The following RTN4IP1 variants were observed in gnomAD, a reference collection of about 807,000 sequenced individuals.
RTN4IP1 encodes reticulon 4 interacting protein 1, also known as NAD(P)H oxidoreductase RTN4IP1, mitochondrial.
Under a neutral mutation model 46.6 loss-of-function variants are expected in RTN4IP1, and 32 were observed. The ratio of observed to expected loss-of-function variants is 0.69; its 90% CI spans 0.52 to 0.92. RTN4IP1 has a LOEUF of 0.92. Ranked by LOEUF, RTN4IP1 falls within the 40% of genes least tolerant of loss-of-function variation. RTN4IP1 has a pLI of 0.00. For missense variants in RTN4IP1, 424 were observed against 485.8 expected (o/e 0.87, Z 1.20); for synonymous variants, 167 against 161.8 (o/e 1.03, Z -0.24).
chr6:106,603,529 T>C (rs78404270), intron 4 of RTN4IP1, among the ~76,000 whole-genome samples: 4,446 of 151,420 alleles, frequency 0.029, 85 homozygotes, highest in Non-Finnish European at 0.046. Flanking sequence ...GTGCTGAGCC[T>C]GGATCAGTCA....
At chr6:106,588,008 T>G in intron 6 of RTN4IP1, 146 bp from the exon 7 acceptor site, 1 of 638,448 alleles carries the variant, frequency 1.6e-6, no homozygotes, top group Non-Finnish European at 2.6e-6. Flanking sequence ...TGCAGAGGGG[T>G]GGCTGCTTTG....
rs377015433 is a variant in RTN4IP1 at position 106,592,255 on chromosome 6, C to G, written c.715G>C (p.Asp239His). 6.2e-7 allele frequency: 1 copy of G among 1,614,050 alleles called. No individual in the cohort carries two copies. The highest frequency in any genetic ancestry group is 8.5e-7 in the Non-Finnish European group (1 of 1,179,998). ...AGCTTCCTTACAAGTTCACTGGCAT[C>G]TTGGGAGCAAACTGCTGTCACATGA... ...DAHVTAVCSQ[D>H]ASELVRKLGA... Residue 239 changes from aspartate to histidine, a missense_variant, in exon 6 of 9, where the codon GAT becomes CAT. By Grantham distance (81) the Asp-to-His change is moderately conservative. Transcript: ENST00000369063.
At chr6:106,630,276 C>T (rs189002735), upstream of RTN4IP1, among the ~76,000 whole-genome samples, 1 of 152,186 alleles carries the variant, frequency 6.6e-6, no homozygotes, top group African/African-American at 2.4e-5. Context: ...ACATAAGCAC[C>T]CTCAAATTCA....
intron 5 of RTN4IP1, among the ~76,000 whole-genome samples, chr6:106,596,219 C>T (rs1267568514): frequency 6.6e-6 from 1 of 152,060 alleles, no homozygotes; most frequent in East Asian, 1.9e-4. Context: ...GAAGCCCTGC[C>T]TTGTTTCAGT....
chr6:106,623,710 T>G (rs1230119001), intron 1 of RTN4IP1, among the ~76,000 whole-genome samples: 1 of 152,258 alleles, frequency 6.6e-6, no homozygotes, highest in East Asian at 1.9e-4. Flanking sequence ...TCAGAACTTT[T>G]AGTATTATCT....
At chr6:106,628,247 C>A (rs1165167530) in intron 1 of RTN4IP1, among the ~76,000 whole-genome samples, 2 of 151,888 alleles carry the variant, frequency 1.3e-5, no homozygotes, top group Non-Finnish European at 2.9e-5. Context: ...CAGAGGATCG[C>A]CTGAGGTCAG....
upstream of RTN4IP1, chr6:106,629,632 C>A (rs72945092): frequency 0.014 from 22,060 of 1,577,312 alleles, 187 homozygotes; most frequent in Non-Finnish European, 0.016. Flanking sequence ...CCGGTGACCT[C>A]TTTTTCCCCC....
intron 4 of RTN4IP1, among the ~76,000 whole-genome samples, chr6:106,605,837 A>C: frequency 6.9e-6 from 1 of 145,934 alleles, no homozygotes; most frequent in East Asian, 2.0e-4. Flanking sequence ...AAAAAAAAAA[A>C]AAAAAAAGAA....
At chr6:106,573,612 T>C (rs1048802412) in intron 8 of RTN4IP1, among the ~76,000 whole-genome samples, 10 of 152,274 alleles carry the variant, frequency 6.6e-5, no homozygotes, top group Middle Eastern at 3.4e-3. Context: ...TTTTCTGGGG[T>C]AAATACTGTT....
At chr6:106,576,646 T>C (rs932359894) in intron 8 of RTN4IP1, among the ~76,000 whole-genome samples, 18 of 152,216 alleles carry the variant, frequency 1.2e-4, no homozygotes, top group African/African-American at 4.3e-4. Context: ...CAGAACTCAT[T>C]ACATTTTTCT....
At chr6:106,623,937 T>A (rs968574685) in intron 1 of RTN4IP1, among the ~76,000 whole-genome samples, 1 of 152,208 alleles carries the variant, frequency 6.6e-6, no homozygotes, top group Non-Finnish European at 1.5e-5. Context: ...GATCCCCACA[T>A]CCTTAAACAT....
At chr6:106,579,380 A>C (rs901755656) in intron 8 of RTN4IP1, among the ~76,000 whole-genome samples, 1 of 152,208 alleles carries the variant, frequency 6.6e-6, no homozygotes, top group African/African-American at 2.4e-5. Context: ...ATTCAAACTG[A>C]AATTGTGCCC....
intron 4 of RTN4IP1, among the ~76,000 whole-genome samples, chr6:106,609,223 T>G (rs1322288673): frequency 6.6e-6 from 1 of 152,228 alleles, no homozygotes; most frequent in Non-Finnish European, 1.5e-5. Flanking sequence ...CACAGTGCCC[T>G]GGATGTAGCA....
At position 106,574,838 on chromosome 6, in the gene RTN4IP1, C is replaced by A. The variant is rs74938235; in HGVS notation, c.1084-2735G>T. 1.4e-3 allele frequency among the ~76,000 whole-genome samples: 219 copies of A among 152,310 alleles called. 1 individual carries two copies. The highest frequency in any genetic ancestry group is 3.4e-3 in the Middle Eastern group (1 of 294). Reference sequence around the variant, plus strand: ...AGAGCTCTGACCGGGGACACAGATCCTGAACTGATGACACAGGCAGCTTAC... The same window carrying A: ...AGAGCTCTGACCGGGGACACAGATCATGAACTGATGACACAGGCAGCTTAC... On this transcript the variant is annotated intron_variant, in intron 8 of 8. Transcript: ENST00000369063.
In RTN4IP1 at chr6:106,629,259, T is replaced by G; in HGVS notation, c.-238A>C. ...AATTAACGTTCCAGTCAGTATTCTG[T>G]CCATTCTCCTCCCTCACTTTCACCC... On this transcript the variant is annotated 5_prime_UTR_variant, in exon 1 of 9. Transcript: ENST00000369063. The G allele has an allele frequency of 3.5e-6, 2 of 568,956 alleles. No individual in the cohort carries two copies. Among genetic ancestry groups the G allele is most frequent in the Non-Finnish European group, 6.2e-6 (2 of 321,836 alleles). The allele number at this position is 568,956 out of a possible 1,614,324, so 35.2% of individuals were successfully genotyped here. A position where few individuals can be genotyped will look rare whatever the true frequency, so the allele number is the denominator to read the frequency against.
At chr6:106,609,577 C>G (rs1776172666) in intron 4 of RTN4IP1, among the ~76,000 whole-genome samples, 1 of 152,124 alleles carries the variant, frequency 6.6e-6, no homozygotes, top group Non-Finnish European at 1.5e-5. Flanking sequence ...ATCAAGGCAA[C>G]AACTGCTACT....
chr6:106,602,929 T>G lies in RTN4IP1; in HGVS notation c.621-7A>C. On this transcript the variant is annotated splice_polypyrimidine_tract_variant and splice_region_variant and intron_variant, in intron 4 of 8. Coordinates refer to ENST00000369063, the MANE Select transcript of RTN4IP1 (RefSeq NM_032730.5). ...AGCGCCTAAGATTAGAACACTGAAA[T>G]GCAAAGGAAACCACAATTAACGAGA... The G allele has an allele frequency of 6.3e-7, 1 of 1,599,342 alleles. No individual in the cohort carries two copies. Among genetic ancestry groups the G allele is most frequent in the Non-Finnish European group, 8.5e-7 (1 of 1,173,840 alleles).
At chr6:106,607,897 T>C (rs142648018) in intron 4 of RTN4IP1, 1 of 152,278 alleles carries the variant, frequency 6.6e-6, no homozygotes, top group Non-Finnish European at 1.5e-5. Flanking sequence ...GGAATATAAG[T>C]TAGTATAGCC....
intron 4 of RTN4IP1, among the ~76,000 whole-genome samples, chr6:106,607,434 C>T (rs921724577): frequency 2.0e-5 from 3 of 152,034 alleles, no homozygotes; most frequent in African/African-American, 7.2e-5. Context: ...AATGAAGAGA[C>T]AACCTGTAGA....
Sources: gnomAD v4.1 joint callset for allele counts (sites outside exome capture counted in the v4.1 genomes callset) on GRCh38, gnomAD v4.1.1 for gene constraint, MANE v1.5 for transcripts, NCBI Gene and HGNC (gene_info 2026-07-23, HGNC 2026-07-21) for gene names.